The following FBXW8 variants were observed in gnomAD, a reference collection of about 807,000 sequenced individuals.
The protein encoded by FBXW8 is F-box and WD repeat domain containing 8, also known as F-box/WD repeat-containing protein 8.
In FBXW8, 57 loss-of-function variants were observed where a neutral mutation model predicts 65.3. The ratio of observed to expected loss-of-function variants is 0.87; its 90% CI spans 0.71 to 1.09. The LOEUF (loss-of-function observed/expected upper bound fraction) is 1.09, where lower values mean the gene tolerates loss of function less well. Among genes scored for constraint, FBXW8 ranks in the 50% least tolerant of loss-of-function variants. The probability of loss-of-function intolerance (pLI) is 0.00; values close to 1 mark genes in which losing one functional copy is unlikely to be tolerated. For synonymous variants in FBXW8, 308 were observed against 330.2 expected (o/e 0.93, Z 0.73); for missense variants, 777 against 814.8 (o/e 0.95, Z 0.57).
chr12:116,936,918 A>G lies in FBXW8; in HGVS notation c.424-8446A>G, dbSNP rs1056140433. The stretch of plus-strand genomic sequence containing the variant: ...GCAGAGGGGTGACAAGGGCTGCCCT[A>G]CGTTTAAAAAGGGACCATTTGGGCT... On this transcript the variant is annotated intron_variant, in intron 2 of 10. Coordinates refer to ENST00000652555, the MANE Select transcript of FBXW8 (RefSeq NM_153348.3). The surrounding 1 kb of genome is among the most constrained non-coding windows in gnomAD (Gnocchi z 4.6). 7.9e-5 allele frequency among the ~76,000 whole-genome samples: 12 copies of G among 152,128 alleles called. No individual in the cohort carries two copies. Among genetic ancestry groups the G allele is most frequent in the South Asian group, 2.1e-4 (1 of 4,826 alleles).
chr12:117,028,183 CAGTT>C lies in FBXW8; in HGVS notation c.*12_*15del, dbSNP rs773270176. On this transcript the variant is annotated 3_prime_UTR_variant, in exon 11 of 11. Coordinates refer to ENST00000652555, the MANE Select transcript of FBXW8 (RefSeq NM_153348.3). This position sits in a 1 kb window ranked among gnomAD's most constrained non-coding sequence, Gnocchi z 4.1. ...TATAACCATGTTTAGGGATGTGCCTCAGTTGGGAGCAAGGAGAAAAATGGGAAGA... is the reference window on the plus strand; with the variant it reads ...TATAACCATGTTTAGGGATGTGCCTCGGGAGCAAGGAGAAAAATGGGAAGA... The C allele has an allele frequency of 1.1e-5, 17 of 1,612,482 alleles. No homozygotes were observed. The South Asian group carries it at 1.9e-4, about 18-fold the overall frequency.
At chr12:116,911,670 A>T (rs12823620) in intron 1 of FBXW8, among the ~76,000 whole-genome samples, 2 of 151,832 alleles carry the variant, frequency 1.3e-5, no homozygotes, top group Non-Finnish European at 2.9e-5. Flanking sequence ...CCTACAGTGT[A>T]CAGGACACCA....
chr12:116,955,038 G>GT (rs202153491), intron 4 of FBXW8, among the ~76,000 whole-genome samples: 15 of 139,808 alleles, frequency 1.1e-4, no homozygotes, highest in South Asian at 4.5e-4. Flanking sequence ...TCTTGAAATG[G>GT]GGGGGGGGGG....
At position 116,928,250 on chromosome 12, in the gene FBXW8, G is replaced by A. The variant is rs932415387; in HGVS notation, c.423+123G>A. 2.0e-5 allele frequency: 14 copies of A among 694,170 alleles called. No homozygotes were observed. In the African/African-American group the frequency reaches 2.6e-4, roughly 13 times the overall value. 43.0% of individuals were successfully genotyped at this position (694,170 alleles called of 1,614,324 possible). On this transcript the variant is annotated intron_variant, in intron 2 of 10. Transcript: ENST00000652555. ...CTTTGCAGAATTAATGAATTGGATGGCAAGTTTACTTGAAGGAAAGCCACC... is the reference window on the plus strand; with the variant it reads ...CTTTGCAGAATTAATGAATTGGATGACAAGTTTACTTGAAGGAAAGCCACC...
chr12:116,973,111 A>G (rs1343141494), intron 5 of FBXW8, among the ~76,000 whole-genome samples: 2 of 152,228 alleles, frequency 1.3e-5, no homozygotes, highest in East Asian at 3.8e-4. Context: ...CAATATTGAT[A>G]ATAACAGGTT....
intron 9 of FBXW8, among the ~76,000 whole-genome samples, chr12:117,025,416 G>A (rs1954199636): frequency 6.6e-6 from 1 of 152,224 alleles, no homozygotes; most frequent in African/African-American, 2.4e-5. Context: ...CCCTCCCACA[G>A]GAACTAAGAT....
chr12:116,979,321 GT>G, intron 5 of FBXW8: 1 of 152,386 alleles, frequency 6.6e-6, no homozygotes, highest in East Asian at 1.9e-4. Context: ...ACTGGCATGG[GT>G]GCCCATCCAC....
chr12:116,916,715 T>C (rs1338249245), intron 1 of FBXW8, among the ~76,000 whole-genome samples: 1 of 151,926 alleles, frequency 6.6e-6, no homozygotes, highest in African/African-American at 2.4e-5. Flanking sequence ...CTGGGCAAAA[T>C]AGATTCTGTC....
At chr12:116,989,679 A>AC (rs1953187651) in intron 7 of FBXW8, among the ~76,000 whole-genome samples, 1 of 152,218 alleles carries the variant, frequency 6.6e-6, no homozygotes, top group Admixed American at 6.5e-5. Flanking sequence ...TACCAGTGGG[A>AC]CCAAGGGGGA....
In FBXW8 at chr12:116,961,328, C is replaced by A. The variant is rs568569962; in HGVS notation, c.678-3369C>A. Among the ~76,000 whole-genome samples the A allele has an allele frequency of 6.6e-6, 1 of 152,218 alleles. No individual in the cohort carries two copies. Among genetic ancestry groups the A allele is most frequent in the South Asian group, 2.1e-4 (1 of 4,818 alleles). On this transcript the variant is annotated intron_variant, in intron 4 of 10. Coordinates refer to ENST00000652555, the MANE Select transcript of FBXW8 (RefSeq NM_153348.3). This position sits in a 1 kb window ranked among gnomAD's most constrained non-coding sequence, Gnocchi z 4.4. The stretch of plus-strand genomic sequence containing the variant: ...TCTGCACTTTTTAAAGCATTCCAGG[C>A]AAATTTAATGTGCAGCCCAGGCTGG...
chr12:116,963,786 A>G (rs549826826), intron 4 of FBXW8, among the ~76,000 whole-genome samples: 2 of 152,330 alleles, frequency 1.3e-5, no homozygotes, highest in East Asian at 3.9e-4. Flanking sequence ...GAACCCCCTT[A>G]AAATCATTGG....
At chr12:116,946,314 C>T (rs1415118179) in intron 3 of FBXW8, among the ~76,000 whole-genome samples, 1 of 152,174 alleles carries the variant, frequency 6.6e-6, no homozygotes, top group Non-Finnish European at 1.5e-5. Flanking sequence ...ACCTCCTAAC[C>T]TGATTAGTGA....
Position 117,027,569 on chromosome 12 carries a change from C to G in FBXW8, c.1652+65C>G, listed in dbSNP as rs374462591. On this transcript the variant is annotated intron_variant, in intron 10 of 10. Transcript: ENST00000652555. ...TTGACTGATGTATAGAACCCCACCC[C>G]CCCCGCCGTGACACATTGCACCCTA... 1,681 of 1,255,432 alleles carry G rather than the reference C, an allele frequency of 1.3e-3. 4 individuals are homozygous for G. Among genetic ancestry groups the G allele is most frequent in the Middle Eastern group, 5.1e-3 (25 of 4,940 alleles). 77.8% of individuals were successfully genotyped at this position (1,255,432 alleles called of 1,614,324 possible). A position where few individuals can be genotyped will look rare whatever the true frequency, so the allele number is the denominator to read the frequency against.
chr12:117,000,109 G>A (rs574152743), intron 7 of FBXW8, among the ~76,000 whole-genome samples: 14 of 151,780 alleles, frequency 9.2e-5, no homozygotes, highest in African/African-American at 1.5e-4. Flanking sequence ...AGCCTCCCGA[G>A]TAGCTGGGAC....
intron 1 of FBXW8, among the ~76,000 whole-genome samples, chr12:116,915,204 C>T (rs976898997): frequency 1.3e-5 from 2 of 152,246 alleles, no homozygotes; most frequent in Non-Finnish European, 2.9e-5. Flanking sequence ...AGGTAATGCA[C>T]GTGAGTGAGG....
At chr12:116,923,067 G>A (rs190185705) in intron 1 of FBXW8, among the ~76,000 whole-genome samples, 6 of 152,260 alleles carry the variant, frequency 3.9e-5, no homozygotes, top group Non-Finnish European at 8.8e-5. Context: ...TTAGCTAGAT[G>A]TGGTGATGTG....
chr12:116,943,261 T>G (rs1261448513), intron 2 of FBXW8, among the ~76,000 whole-genome samples: 1 of 152,216 alleles, frequency 6.6e-6, no homozygotes, highest in African/African-American at 2.4e-5. Flanking sequence ...CCTGCTTCCT[T>G]GTTTCTTTGC....
intron 8 of FBXW8, among the ~76,000 whole-genome samples, chr12:117,014,380 T>G (rs1000963186): frequency 1.4e-4 from 21 of 152,354 alleles, no homozygotes; most frequent in African/African-American, 4.6e-4. Flanking sequence ...TACAACAAGT[T>G]CTTTAAAGTC....
At chr12:116,917,457 T>C (rs1410498901) in intron 1 of FBXW8, among the ~76,000 whole-genome samples, 6 of 152,204 alleles carry the variant, frequency 3.9e-5, no homozygotes, top group Non-Finnish European at 8.8e-5. Context: ...CTTCTTACAC[T>C]TCCTCCCTGC....
Sources: gnomAD v4.1 joint callset for allele counts (sites outside exome capture counted in the v4.1 genomes callset) on GRCh38, gnomAD v4.1.1 for gene constraint, Gnocchi (gnomAD v3.1) non-coding constraint, MANE v1.5 for transcripts, NCBI Gene and HGNC (gene_info 2026-07-23, HGNC 2026-07-21) for gene names.